Variants in CDH13 observed in about 807,000 individuals in gnomAD.
CDH13 encodes the protein cadherin-13.
In CDH13, 24 loss-of-function variants were observed where a neutral mutation model predicts 63.8. The ratio of observed to expected loss-of-function variants is 0.38; its 90% confidence interval spans 0.27 to 0.53. The LOEUF (loss-of-function observed/expected upper bound fraction) is 0.53, where lower values mean the gene tolerates loss of function less well. Ranked by LOEUF, CDH13 falls within the 20% of genes least tolerant of loss-of-function variation. The probability of loss-of-function intolerance (pLI) is 0.85; values close to 1 mark genes in which losing one functional copy is unlikely to be tolerated. For synonymous variants in CDH13, 503 were observed against 355.3 expected (o/e 1.42, Z -4.67); for missense variants, 1,049 against 903.1 (o/e 1.16, Z -2.07).
intron 6 of CDH13, among the ~76,000 whole-genome samples, chr16:83,412,422 A>C (rs1406239024): frequency 6.6e-6 from 1 of 152,196 alleles, no homozygotes; most frequent in East Asian, 1.9e-4. Flanking sequence ...AGTTCACAGC[A>C]ATGCACTCCA....
intron 11 of CDH13, among the ~76,000 whole-genome samples, chr16:83,774,767 TGCCAGGG>T (rs1914992036): frequency 1.3e-5 from 2 of 152,306 alleles, no homozygotes; most frequent in Admixed American, 1.3e-4. Flanking sequence ...GAATGGTGGC[TGCCAGGG>T]GCCAGGGGAA....
intron 6 of CDH13, among the ~76,000 whole-genome samples, chr16:83,438,839 C>G (rs2072399633): frequency 6.6e-6 from 1 of 152,172 alleles, no homozygotes; most frequent in African/African-American, 2.4e-5. Flanking sequence ...ATTGAAAGAA[C>G]AGAACAATCT....
At chr16:83,346,519 G>A (rs962336009) in intron 6 of CDH13, among the ~76,000 whole-genome samples, 10 of 152,206 alleles carry the variant, frequency 6.6e-5, no homozygotes, top group Non-Finnish European at 1.3e-4. Flanking sequence ...CTAGAATTCA[G>A]ATGGGCTGGG....
At chr16:83,210,310 C>A (rs918482583) in intron 4 of CDH13, among the ~76,000 whole-genome samples, 2 of 151,952 alleles carry the variant, frequency 1.3e-5, no homozygotes, top group South Asian at 2.1e-4. Context: ...GGTGATCCAC[C>A]TTCCTCAACC....
chr16:83,007,000 C>G (rs1913592647), intron 2 of CDH13, among the ~76,000 whole-genome samples: 1 of 151,540 alleles, frequency 6.6e-6, no homozygotes, highest in East Asian at 1.9e-4. Flanking sequence ...CTCGGCTCAT[C>G]ACAACCTCTG....
chr16:83,032,252 G>A (rs1174199938), intron 3 of CDH13, 34 bp downstream of exon 3: 6 of 1,552,440 alleles, frequency 3.9e-6, no homozygotes, highest in Non-Finnish European at 5.3e-6. Flanking sequence ...TTGGGTTCAA[G>A]GAGGACATTA....
intron 1 of CDH13, among the ~76,000 whole-genome samples, chr16:82,841,819 A>C (rs1278564976): frequency 6.6e-6 from 1 of 152,084 alleles, no homozygotes. Context: ...TGGAATACCT[A>C]CTGTGCTGGA....
chr16:82,775,064 T>A (rs1019368833), intron 1 of CDH13, among the ~76,000 whole-genome samples: 1 of 152,150 alleles, frequency 6.6e-6, no homozygotes, highest in African/African-American at 2.4e-5. Context: ...GAGAGTAGAA[T>A]AGGGTATGGT....
At chr16:82,956,525 A>G (rs560644651) in intron 2 of CDH13, among the ~76,000 whole-genome samples, 1 of 152,080 alleles carries the variant, frequency 6.6e-6, no homozygotes, top group South Asian at 2.1e-4. Context: ...GATTATTTTC[A>G]AGCTCAGGTA....
chr16:83,426,923 T>C (rs1422748091), intron 6 of CDH13, among the ~76,000 whole-genome samples: 2 of 106,354 alleles, frequency 1.9e-5, no homozygotes, highest in African/African-American at 6.4e-5. Flanking sequence ...TTTTTTTTTT[T>C]TTTTTTTTTT....
chr16:83,710,128 T>C (rs1339731778), intron 10 of CDH13: 2 of 152,202 alleles, frequency 1.3e-5, no homozygotes, highest in Non-Finnish European at 2.9e-5. Flanking sequence ...CTGGTAAAGT[T>C]CTCACAATGC....
chr16:82,659,116 A>C (rs1263767928), intron 1 of CDH13, among the ~76,000 whole-genome samples: 1 of 152,192 alleles, frequency 6.6e-6, no homozygotes, highest in South Asian at 2.1e-4. Flanking sequence ...AGAAGAAAAC[A>C]GTGCACAGTT....
intron 3 of CDH13, among the ~76,000 whole-genome samples, chr16:83,057,659 T>C (rs2031086326): frequency 6.6e-6 from 1 of 151,892 alleles, no homozygotes; most frequent in Non-Finnish European, 1.5e-5. Flanking sequence ...AAACCATCTA[T>C]AAACCAGTTT....
At chr16:82,884,410 T>G (rs2151210086) in intron 2 of CDH13, 1 of 332,892 alleles carries the variant, frequency 3.0e-6, no homozygotes, top group Admixed American at 3.9e-5. Flanking sequence ...TTCTGTTGTC[T>G]GTTGCAGTAG....
intron 3 of CDH13, among the ~76,000 whole-genome samples, chr16:83,114,346 A>ACAGTGAC (rs2035199694): frequency 6.6e-6 from 1 of 152,200 alleles, no homozygotes; most frequent in African/African-American, 2.4e-5. Context: ...ACTCAAGGCA[A>ACAGTGAC]CAGTGACTTG....
chr16:83,042,210 G>A (rs753577654), intron 3 of CDH13, among the ~76,000 whole-genome samples: 2 of 152,246 alleles, frequency 1.3e-5, no homozygotes, highest in Non-Finnish European at 2.9e-5. Flanking sequence ...GTTAGAAACC[G>A]GGCTGCACTG....
At chr16:83,566,241 G>A (rs566105126) in intron 7 of CDH13, among the ~76,000 whole-genome samples, 95 of 152,066 alleles carry the variant, frequency 6.2e-4, no homozygotes, top group African/African-American at 2.1e-3. Context: ...GGTTGGCATC[G>A]TTCCCCAGCA....
intron 7 of CDH13, among the ~76,000 whole-genome samples, chr16:83,555,190 C>T (rs924114023): frequency 3.9e-5 from 6 of 152,132 alleles, no homozygotes; most frequent in Admixed American, 3.9e-4. Flanking sequence ...TGCAGAGTGA[C>T]AAGTTGATAT....
chr16:83,078,818 A>ATG (rs373384794), intron 3 of CDH13, among the ~76,000 whole-genome samples: 28 of 152,132 alleles, frequency 1.8e-4, no homozygotes, highest in African/African-American at 6.3e-4. Context: ...TTTGAGACAG[A>ATG]GTCTTGCTGT....
Sources: gnomAD v4.1 joint callset for allele counts (sites outside exome capture counted in the v4.1 genomes callset) on GRCh38, gnomAD v4.1.1 for gene constraint, MANE v1.5 for transcripts, NCBI Gene and HGNC (gene_info 2026-07-23, HGNC 2026-07-21) for gene names.